The following SLC44A5 variants were observed in gnomAD, a reference collection of about 807,000 sequenced individuals.
SLC44A5 encodes choline transporter-like protein 5.
Under a neutral mutation model 101.8 loss-of-function variants are expected in SLC44A5, and 57 were observed. That is an observed-to-expected ratio of 0.56 (90% CI 0.45 to 0.70). SLC44A5 has a LOEUF of 0.70. Ranked by LOEUF, SLC44A5 falls within the 30% of genes least tolerant of loss-of-function variation. SLC44A5 has a pLI of 0.00. For missense variants in SLC44A5, 737 were observed against 853.1 expected, an observed-to-expected ratio of 0.86 and a Z score of 1.70; for synonymous variants, 281 against 290.9, an observed-to-expected ratio of 0.97 and a Z score of 0.35.
chr1:75,643,859 G>C, the SLC44A5 span, among the ~76,000 whole-genome samples: 2 of 152,154 alleles, frequency 1.3e-5, no homozygotes, highest in Non-Finnish European at 2.9e-5. Flanking sequence ...GTCTTTATTA[G>C]CAGCATAAGA....
the SLC44A5 span, among the ~76,000 whole-genome samples, chr1:75,653,297 C>A: frequency 2.0e-5 from 3 of 152,134 alleles, no homozygotes; most frequent in Admixed American, 6.5e-5. Context: ...GCCTGGCCAA[C>A]ATGGTGAAAC....
chr1:75,698,690 C>T, the SLC44A5 span, among the ~76,000 whole-genome samples: 5 of 152,022 alleles, frequency 3.3e-5, no homozygotes, highest in South Asian at 2.1e-4. Flanking sequence ...AGGCTTCAGA[C>T]GATCAAATTA....
At chr1:75,590,558 G>C (rs543680344) in intron 1 of SLC44A5, among the ~76,000 whole-genome samples, 1 of 152,232 alleles carries the variant, frequency 6.6e-6, no homozygotes, top group South Asian at 2.1e-4. Context: ...CCCTGGGGCA[G>C]AGAGGAGCCC....
At position 75,379,832 on chromosome 1, in the gene SLC44A5, T is replaced by C. The variant is rs1426599507; in HGVS notation, c.52+16751A>G. Among the ~76,000 whole-genome samples the C allele has an allele frequency of 2.6e-4, 21 of 82,166 alleles. 7 individuals are homozygous for C. The highest frequency in any genetic ancestry group is 1.0e-3 in the African/African-American group (13 of 12,478). 53.9% of individuals were successfully genotyped at this position (82,166 alleles called of 152,430 possible). A position where few individuals can be genotyped will look rare whatever the true frequency, so the allele number is the denominator to read the frequency against. ...GCAAGTTAGAACATTTGGAAGAAAA[T>C]GTTATAATTGTGGTCAAATTGGTCA... On this transcript the variant is annotated intron_variant, in intron 3 of 23. Coordinates refer to ENST00000370859, the MANE Select transcript of SLC44A5 (RefSeq NM_001130058.2).
At chr1:75,213,443 G>T (rs1646897677) in intron 22 of SLC44A5, among the ~76,000 whole-genome samples, 3 of 152,032 alleles carry the variant, frequency 2.0e-5, no homozygotes, top group Non-Finnish European at 4.4e-5. Context: ...GAGGTGATTA[G>T]GTCAGGAGGA....
the SLC44A5 span, among the ~76,000 whole-genome samples, chr1:75,672,243 C>T: frequency 1.3e-5 from 2 of 152,286 alleles, no homozygotes; most frequent in East Asian, 1.9e-4. Flanking sequence ...CTTCCCCCAT[C>T]CCCTGGAGTT....
At chr1:75,564,024 AC>A (rs571426589) in intron 1 of SLC44A5, among the ~76,000 whole-genome samples, 18 of 152,310 alleles carry the variant, frequency 1.2e-4, no homozygotes, top group African/African-American at 4.1e-4. Flanking sequence ...CTGGTGTATT[AC>A]CCCTCTCTAC....
Position 75,523,042 on chromosome 1 carries a change from AC to A in SLC44A5, c.13+18392del, listed in dbSNP as rs1670223553. 2.6e-5 allele frequency among the ~76,000 whole-genome samples: 4 copies of A among 152,278 alleles called. No homozygotes were observed. The South Asian group carries it at 8.3e-4, about 32-fold the overall frequency. On this transcript the variant is annotated intron_variant, in intron 2 of 23. Coordinates refer to ENST00000370859, the MANE Select transcript of SLC44A5 (RefSeq NM_001130058.2). Reference sequence around the variant, plus strand: ...TATTTAGCACCTACTATGTGCCAGGACCTAAGTTGCATGTTTCTATTCATTG... The same window carrying A: ...TATTTAGCACCTACTATGTGCCAGGACTAAGTTGCATGTTTCTATTCATTG...
intron 2 of SLC44A5, among the ~76,000 whole-genome samples, chr1:75,419,653 A>C (rs1385006136): frequency 6.6e-6 from 1 of 151,586 alleles, no homozygotes; most frequent in Admixed American, 6.6e-5. Context: ...TAGAAAGTTG[A>C]ATCTACACAA....
intron 1 of SLC44A5, among the ~76,000 whole-genome samples, chr1:75,554,014 C>G (rs1672084626): frequency 6.6e-6 from 1 of 152,094 alleles, no homozygotes; most frequent in African/African-American, 2.4e-5. Flanking sequence ...ACAGCCACAG[C>G]TGGGATAAGA....
the SLC44A5 span, among the ~76,000 whole-genome samples, chr1:75,683,984 G>T: frequency 2.6e-5 from 4 of 152,234 alleles, no homozygotes; most frequent in Non-Finnish European, 4.4e-5. Context: ...ACATATGTGA[G>T]ACTGGGAAAT....
intron 2 of SLC44A5, chr1:75,521,466 T>A (rs1670120762): frequency 1.3e-5 from 2 of 152,202 alleles, no homozygotes; most frequent in South Asian, 4.1e-4. Flanking sequence ...CCTCTTGAGA[T>A]CATTTTATAG....
chr1:75,206,682 T>G (rs780645782), intron 23 of SLC44A5: 1 of 1,612,560 alleles, frequency 6.2e-7, no homozygotes, highest in Middle Eastern at 1.7e-4. Flanking sequence ...CGAAGTAGGG[T>G]TTTTCTGTAG....
intron 6 of SLC44A5, among the ~76,000 whole-genome samples, chr1:75,268,636 C>T (rs1651203028): frequency 2.0e-5 from 3 of 151,930 alleles, no homozygotes; most frequent in Admixed American, 6.6e-5. Context: ...TATGTATATC[C>T]GTTCAGACTT....
chr1:75,204,225 AT>A (rs1646711577), intron 23 of SLC44A5, among the ~76,000 whole-genome samples: 1 of 152,198 alleles, frequency 6.6e-6, no homozygotes, highest in East Asian at 1.9e-4. Context: ...AAAAATAAAA[AT>A]TGTGAAATTT....
chr1:75,331,434 C>A (rs1657048610), intron 4 of SLC44A5, among the ~76,000 whole-genome samples: 1 of 152,128 alleles, frequency 6.6e-6, no homozygotes, highest in Non-Finnish European at 1.5e-5. Flanking sequence ...GTAAGTGCTG[C>A]TCCCTCTACC....
chr1:75,569,952 A>G (rs1181532376), intron 1 of SLC44A5, among the ~76,000 whole-genome samples: 3 of 152,242 alleles, frequency 2.0e-5, no homozygotes, highest in Non-Finnish European at 2.9e-5. Flanking sequence ...CACTATCAAC[A>G]GATCATTTGG....
intron 1 of SLC44A5, among the ~76,000 whole-genome samples, chr1:75,552,593 G>C (rs1245783346): frequency 6.8e-6 from 1 of 147,008 alleles, no homozygotes; most frequent in African/African-American, 2.5e-5. Flanking sequence ...ATCAAAACTT[G>C]TTGAATTTTT....
chr1:75,451,527 T>C (rs998975460), intron 2 of SLC44A5, among the ~76,000 whole-genome samples: 2 of 150,990 alleles, frequency 1.3e-5, no homozygotes, highest in Non-Finnish European at 3.0e-5. Context: ...AAGAAAAAAA[T>C]AAAAAATCCT....
Sources: allele counts gnomAD v4.1 joint callset (sites outside exome capture counted in the v4.1 genomes callset), GRCh38; gene constraint gnomAD v4.1.1; transcripts MANE v1.5; gene names NCBI Gene and HGNC (gene_info 2026-07-23, HGNC 2026-07-21).